The following PGBD2 variants were observed in gnomAD, a reference collection of about 807,000 sequenced individuals.
The protein encoded by PGBD2 is piggyBac transposable element-derived protein 2.
PGBD2 carries 6 observed loss-of-function variants against 8.1 expected under a neutral mutation model. The observed-to-expected ratio is 0.74, with a 90% confidence interval of 0.40 to 1.46. The LOEUF is 1.46. Ranked by LOEUF, PGBD2 falls within the 40% of genes most tolerant of loss-of-function variation. PGBD2 has a pLI of 0.02. For missense variants in PGBD2, 802 were observed against 739.0 expected, an observed-to-expected ratio of 1.09 and a Z score of -0.99; for synonymous variants, 318 against 272.2, an observed-to-expected ratio of 1.17 and a Z score of -1.66.
Position 248,918,302 on chromosome 1 carries a change from G to A in PGBD2, c.1718G>A (p.Arg573Gln), listed in dbSNP as rs376650272. 46 of 1,593,800 alleles carry A rather than the reference G, an allele frequency of 2.9e-5. No individual in the cohort carries two copies. Among genetic ancestry groups the A allele is most frequent in the Admixed American group, 8.6e-5 (5 of 58,242 alleles). Residue 573 changes from arginine (R) to glutamine (Q), a missense_variant, in exon 3 of 3, where the codon CGG becomes CAG. Coordinates refer to ENST00000329291, the MANE Select transcript of PGBD2 (RefSeq NM_170725.3). ...CALCHSQTNT[R>Q]CEKCQKGVHA... is the part of the protein sequence containing the mutation. The stretch of plus-strand genomic sequence containing the variant: ...CTCTGCCACTCACAGACCAACACCC[G>A]GTGTGAGAAGTGCCAGAAGGGTGTC...
the PGBD2 span, among the ~76,000 whole-genome samples, chr1:248,928,591 T>A: frequency 1.8e-4 from 27 of 152,324 alleles, no homozygotes; most frequent in Admixed American, 5.2e-4. Context: ...CTAGTGGTTG[T>A]GTTCTGAGGG....
At chr1:248,913,079 G>A (rs902308917) in intron 1 of PGBD2, among the ~76,000 whole-genome samples, 3 of 152,100 alleles carry the variant, frequency 2.0e-5, no homozygotes, top group African/African-American at 7.2e-5. Context: ...TGGGATTACA[G>A]GTGTGAGCCA....
At position 248,918,452 on chromosome 1, in the gene PGBD2, A is replaced by G; in HGVS notation, c.*89A>G. Reference sequence around the variant, plus strand: ...GAGCACTTCTGTTTTGTGTTGGAAAAAAGACCTGAATTTCTAATGACTTGA... The same window carrying G: ...GAGCACTTCTGTTTTGTGTTGGAAAGAAGACCTGAATTTCTAATGACTTGA... On this transcript the variant is annotated 3_prime_UTR_variant, in exon 3 of 3. Coordinates refer to ENST00000329291, the MANE Select transcript of PGBD2 (RefSeq NM_170725.3). 7.7e-7 allele frequency: 1 copy of G among 1,301,396 alleles called. No homozygotes were observed. Among genetic ancestry groups the G allele is most frequent in the Non-Finnish European group, 1.0e-6 (1 of 959,844 alleles). The allele number at this position is 1,301,396 out of a possible 1,614,324, so 80.6% of individuals were successfully genotyped here.
At chr1:248,894,709 T>G in the PGBD2 span, among the ~76,000 whole-genome samples, 503 of 148,172 alleles carry the variant, frequency 3.4e-3, 5 homozygotes, top group African/African-American at 0.012. Flanking sequence ...CTCCTTTCTT[T>G]CTTGCTTGCT....
At chr1:248,874,642 G>T in the PGBD2 span, among the ~76,000 whole-genome samples, 4 of 152,162 alleles carry the variant, frequency 2.6e-5, no homozygotes, top group Non-Finnish European at 5.9e-5. Flanking sequence ...AAGGCCATTA[G>T]AATGGCACCT....
the PGBD2 span, among the ~76,000 whole-genome samples, chr1:248,888,416 G>A: frequency 4.6e-5 from 7 of 152,122 alleles, no homozygotes; most frequent in African/African-American, 1.4e-4. Context: ...CTGTTATATT[G>A]TTACTTTTTA....
At chr1:248,905,685 C>T (rs1243247893), upstream of PGBD2, among the ~76,000 whole-genome samples, 1 of 152,122 alleles carries the variant, frequency 6.6e-6, no homozygotes, top group Non-Finnish European at 1.5e-5. Flanking sequence ...TATCCGTGAC[C>T]CTGCCTCCTA....
intron 1 of PGBD2, among the ~76,000 whole-genome samples, chr1:248,906,683 GGAGGCGGGCGGCCT>G (rs1661650998): frequency 1.3e-5 from 2 of 150,122 alleles, no homozygotes; most frequent in African/African-American, 4.9e-5. Context: ...GCGGGACGAA[GGAGGCGGGCGGCCT>G]GAGGCTGGCG....
At chr1:248,889,166 C>T in the PGBD2 span, among the ~76,000 whole-genome samples, 30 of 152,306 alleles carry the variant, frequency 2.0e-4, no homozygotes, top group African/African-American at 6.7e-4. Flanking sequence ...GTGGGCAGAT[C>T]ATGAGGTCAG....
chr1:248,905,710 G>C (rs1005909138), upstream of PGBD2, among the ~76,000 whole-genome samples: 1 of 152,216 alleles, frequency 6.6e-6, no homozygotes, highest in African/African-American at 2.4e-5. Flanking sequence ...GCACAGGACA[G>C]CCTCCTTCCC....
chr1:248,913,107 A>G (rs1209819040), intron 1 of PGBD2, among the ~76,000 whole-genome samples: 1 of 151,940 alleles, frequency 6.6e-6, no homozygotes, highest in Non-Finnish European at 1.5e-5. Context: ...TGGCCAGAGC[A>G]CTCAGATTTT....
At chr1:248,923,954 C>T (rs1484604241), downstream of PGBD2, among the ~76,000 whole-genome samples, 1 of 152,174 alleles carries the variant, frequency 6.6e-6, no homozygotes, top group Admixed American at 6.5e-5. Context: ...TGAGATGCAG[C>T]CCCCACTGGA....
chr1:248,914,686 A>T, intron 2 of PGBD2: 1 of 1,015,806 alleles, frequency 9.8e-7, no homozygotes, highest in South Asian at 1.4e-5. Flanking sequence ...CCTACCCTCC[A>T]TGCTGAGTCC....
the PGBD2 span, among the ~76,000 whole-genome samples, chr1:248,874,668 G>A: frequency 6.6e-6 from 1 of 152,170 alleles, no homozygotes; most frequent in Admixed American, 6.5e-5. Flanking sequence ...CTAGAGGGGC[G>A]GGTCAGGGCC....
At chr1:248,926,044 C>G in the PGBD2 span, among the ~76,000 whole-genome samples, 1 of 152,094 alleles carries the variant, frequency 6.6e-6, no homozygotes, top group Non-Finnish European at 1.5e-5. Flanking sequence ...TAAGGACCCT[C>G]CCCAGCCGCC....
chr1:248,883,279 A>T, the PGBD2 span, among the ~76,000 whole-genome samples: 2 of 151,816 alleles, frequency 1.3e-5, no homozygotes, highest in Non-Finnish European at 2.9e-5. Flanking sequence ...ATGTGCCACT[A>T]CGCCTGGCTA....
the PGBD2 span, among the ~76,000 whole-genome samples, chr1:248,886,707 G>C: frequency 2.0e-5 from 3 of 152,206 alleles, no homozygotes; most frequent in Non-Finnish European, 4.4e-5. Context: ...TGCTCCAGCT[G>C]TGTGGCCCCA....
chr1:248,897,144 C>G, the PGBD2 span, among the ~76,000 whole-genome samples: 1 of 152,112 alleles, frequency 6.6e-6, no homozygotes, highest in South Asian at 2.1e-4. Flanking sequence ...TTATGCTGGT[C>G]CAAGCAAGCA....
intron 1 of PGBD2, among the ~76,000 whole-genome samples, chr1:248,906,809 TGAG>T (rs1661657787): frequency 6.6e-6 from 1 of 152,132 alleles, no homozygotes; most frequent in Non-Finnish European, 1.5e-5. Flanking sequence ...GGGAAGCTGC[TGAG>T]GTTTCTGAGG....
Sources: gnomAD v4.1 joint callset for allele counts (sites outside exome capture counted in the v4.1 genomes callset) on GRCh38, gnomAD v4.1.1 for gene constraint, MANE v1.5 for transcripts, NCBI Gene and HGNC (gene_info 2026-07-23, HGNC 2026-07-21) for gene names.